The following GRIA4 variants were observed in gnomAD, a reference collection of about 807,000 sequenced individuals.
The protein encoded by GRIA4 is glutamate ionotropic receptor AMPA type subunit 4.
In GRIA4, 34 loss-of-function variants were observed where a neutral mutation model predicts 104.0. That is an observed-to-expected ratio of 0.33 (90% CI 0.25 to 0.44). GRIA4 has a LOEUF of 0.44. GRIA4 is among the 20% of genes least tolerant of loss of function. GRIA4 has a pLI of 1.00. For missense variants in GRIA4, 750 were observed against 1,096.5 expected (o/e 0.68, Z 4.46); for synonymous variants, 386 against 381.9 (o/e 1.01, Z -0.13).
At chr11:105,651,330 A>G (rs1477724513) in intron 3 of GRIA4, among the ~76,000 whole-genome samples, 1 of 150,768 alleles carries the variant, frequency 6.6e-6, no homozygotes, top group Non-Finnish European at 1.5e-5. Flanking sequence ...GCATTTGTGC[A>G]CTTATTTCTG....
chr11:105,780,955 C>T (rs975556861), intron 4 of GRIA4, among the ~76,000 whole-genome samples: 1 of 152,128 alleles, frequency 6.6e-6, no homozygotes, highest in Non-Finnish European at 1.5e-5. Context: ...ACACATATCA[C>T]AACTGGAGTC....
chr11:105,624,725 A>G lies in GRIA4; in HGVS notation c.247+12291A>G, dbSNP rs73632924. Among the ~76,000 whole-genome samples the G allele has an allele frequency of 8.5e-3, 1,290 of 152,106 alleles. 13 individuals are homozygous for G. Among genetic ancestry groups the G allele is most frequent in the African/African-American group, 0.029 (1,189 of 41,512 alleles). On this transcript the variant is annotated intron_variant, in intron 3 of 16. Transcript: ENST00000282499. Reference sequence around the variant, plus strand: ...AAAGTGATCCCTTTTTTCCTCCCCAAAAACATGCACGTCTCCTGCTTTCTT... The same window carrying G: ...AAAGTGATCCCTTTTTTCCTCCCCAGAAACATGCACGTCTCCTGCTTTCTT...
intron 7 of GRIA4, among the ~76,000 whole-genome samples, chr11:105,903,224 A>G (rs1024003040): frequency 2.0e-5 from 3 of 152,228 alleles, no homozygotes; most frequent in African/African-American, 2.4e-5. Flanking sequence ...CCCATTTAGC[A>G]TAGTCACTGA....
chr11:105,811,562 C>T lies in GRIA4; in HGVS notation c.488-50462C>T, dbSNP rs181415831. The stretch of plus-strand genomic sequence containing the variant: ...TCCACGAATAAGAAAATGGCATTGT[C>T]TACATGTTTTAATGTTTTGAAAAAA... On this transcript the variant is annotated intron_variant, in intron 4 of 16. Coordinates refer to ENST00000282499, the MANE Select transcript of GRIA4 (RefSeq NM_000829.4). Among the ~76,000 whole-genome samples, 15 of 152,168 alleles carry T rather than the reference C, an allele frequency of 9.9e-5. No individual in the cohort carries two copies. The South Asian group carries it at 1.2e-3, about 13-fold the overall frequency.
chr11:105,745,300 A>G (rs1939584668), intron 3 of GRIA4, among the ~76,000 whole-genome samples: 1 of 152,190 alleles, frequency 6.6e-6, no homozygotes, highest in African/African-American at 2.4e-5. Context: ...TCTTCTGTCT[A>G]ACTACTCTAA....
intron 3 of GRIA4, among the ~76,000 whole-genome samples, chr11:105,751,488 C>CA (rs1264949764): frequency 6.6e-6 from 1 of 152,134 alleles, no homozygotes; most frequent in African/African-American, 2.4e-5. Context: ...AAATTACAGC[C>CA]AGTCACATTG....
At chr11:105,805,237 T>C (rs779267675) in intron 4 of GRIA4, among the ~76,000 whole-genome samples, 7 of 151,778 alleles carry the variant, frequency 4.6e-5, no homozygotes, top group Non-Finnish European at 7.4e-5. Context: ...AGTACTGTTC[T>C]ACAGACACTC....
intron 3 of GRIA4, among the ~76,000 whole-genome samples, chr11:105,734,234 G>A (rs1221702036): frequency 6.6e-6 from 1 of 151,710 alleles, no homozygotes; most frequent in Non-Finnish European, 1.5e-5. Flanking sequence ...CTCCACCTTG[G>A]TAAATGGTAA....
At position 105,926,950 on chromosome 11, in the gene GRIA4, G is replaced by A; in HGVS notation, c.2046+11G>A. On this transcript the variant is annotated intron_variant, in intron 13 of 16. Transcript: ENST00000282499. Reference sequence around the variant, plus strand: ...AAAGAATTCTTCAGAGTAAGTTAAGGGAAAAACTAAAAATGAAATGTTTAT... The same window carrying A: ...AAAGAATTCTTCAGAGTAAGTTAAGAGAAAAACTAAAAATGAAATGTTTAT... The A allele has an allele frequency of 1.3e-6, 2 of 1,559,856 alleles. No individual in the cohort carries two copies. Among genetic ancestry groups the A allele is most frequent in the South Asian group, 1.1e-5 (1 of 89,438 alleles).
chr11:105,907,681 G>C (rs1947091525), intron 9 of GRIA4, among the ~76,000 whole-genome samples: 1 of 152,178 alleles, frequency 6.6e-6, no homozygotes, highest in Non-Finnish European at 1.5e-5. Context: ...CATGGTTTCA[G>C]AAATCTTTAA....
At chr11:105,915,136 G>T (rs1445702503) in intron 10 of GRIA4, among the ~76,000 whole-genome samples, 1 of 152,126 alleles carries the variant, frequency 6.6e-6, no homozygotes, top group African/African-American at 2.4e-5. Context: ...GAGCAACCAT[G>T]GGAGACATCG....
chr11:105,623,660 T>G (rs1950812393), intron 3 of GRIA4, among the ~76,000 whole-genome samples: 1 of 152,092 alleles, frequency 6.6e-6, no homozygotes, highest in Admixed American at 6.6e-5. Context: ...AGACTCAGGT[T>G]AAATGTCACC....
intron 3 of GRIA4, among the ~76,000 whole-genome samples, chr11:105,673,146 C>T (rs1383897177): frequency 3.9e-5 from 6 of 152,058 alleles, no homozygotes; most frequent in African/African-American, 1.4e-4. Flanking sequence ...CTTACCTCCA[C>T]CCACCCAAGT....
At chr11:105,738,352 G>T (rs1237348909) in intron 3 of GRIA4, among the ~76,000 whole-genome samples, 1 of 151,784 alleles carries the variant, frequency 6.6e-6, no homozygotes, top group Non-Finnish European at 1.5e-5. Flanking sequence ...AATATTTATT[G>T]CCCACCAACT....
intron 3 of GRIA4, among the ~76,000 whole-genome samples, chr11:105,740,089 C>T (rs1939212137): frequency 6.6e-6 from 1 of 152,096 alleles, no homozygotes; most frequent in Admixed American, 6.5e-5. Flanking sequence ...CATAACATCA[C>T]CCTGATAAAA....
chr11:105,979,522 C>T (rs1037656957), intron 16 of GRIA4, 53 bp from the exon 17 acceptor site: 24 of 1,500,862 alleles, frequency 1.6e-5, no homozygotes, highest in Non-Finnish European at 2.1e-5. Flanking sequence ...GTTGAAGAAA[C>T]AGAAATATGG....
At chr11:105,929,889 A>G (rs1947823658) in intron 13 of GRIA4, among the ~76,000 whole-genome samples, 1 of 152,126 alleles carries the variant, frequency 6.6e-6, no homozygotes, top group South Asian at 2.1e-4. Context: ...AAGCAATAAA[A>G]CAGTGTTTTA....
intron 9 of GRIA4, among the ~76,000 whole-genome samples, chr11:105,905,986 ACT>A (rs1291691267): frequency 1.3e-5 from 2 of 152,180 alleles, no homozygotes; most frequent in Non-Finnish European, 2.9e-5. Context: ...TTTGTAGCTA[ACT>A]CATGTAATTT....
In GRIA4 at chr11:105,749,501, T is replaced by C. The variant is rs1207731185; in HGVS notation, c.248-3480T>C. On this transcript the variant is annotated intron_variant, in intron 3 of 16. Transcript: ENST00000282499. ...GAAAGAACAGTGCTCTTCCTCACCATGCTGCAATGGTCAGTAAAATTCAGC... is the reference window on the plus strand; with the variant it reads ...GAAAGAACAGTGCTCTTCCTCACCACGCTGCAATGGTCAGTAAAATTCAGC... 4.6e-5 allele frequency among the ~76,000 whole-genome samples: 7 copies of C among 152,230 alleles called. No homozygotes were observed. In the East Asian group the frequency reaches 1.2e-3, roughly 25 times the overall value.
Sources: gnomAD v4.1 joint callset for allele counts (sites outside exome capture counted in the v4.1 genomes callset) on GRCh38, gnomAD v4.1.1 for gene constraint, MANE v1.5 for transcripts, NCBI Gene and HGNC (gene_info 2026-07-23, HGNC 2026-07-21) for gene names.